The following SUGCT variants were observed in gnomAD, a reference collection of about 807,000 sequenced individuals.
SUGCT encodes succinyl-CoA:glutarate CoA-transferase.
Under a neutral mutation model 55.0 loss-of-function variants are expected in SUGCT, and 41 were observed. The observed-to-expected ratio is 0.74, with a 90% CI of 0.58 to 0.97. The LOEUF (loss-of-function observed/expected upper bound fraction) is 0.97, where lower values mean the gene tolerates loss of function less well. SUGCT is among the 50% of genes least tolerant of loss of function. SUGCT has a pLI of 0.00. For synonymous variants in SUGCT, 187 were observed against 200.4 expected (o/e 0.93, Z 0.56); for missense variants, 568 against 547.8 (o/e 1.04, Z -0.37).
intron 9 of SUGCT, among the ~76,000 whole-genome samples, chr7:40,404,399 T>G (rs567717719): frequency 3.0e-4 from 46 of 152,288 alleles, no homozygotes; most frequent in Non-Finnish European, 6.2e-4. Context: ...TTTGTCTTCC[T>G]TGGTCTGAGG....
At chr7:40,153,324 G>A (rs1054554796) in intron 1 of SUGCT, 3 of 367,266 alleles carry the variant, frequency 8.2e-6, no homozygotes, top group African/African-American at 6.6e-5. Flanking sequence ...GAGTAGGAGA[G>A]AAATACTGCT....
chr7:40,915,316 A>G, the SUGCT span, among the ~76,000 whole-genome samples: 1 of 152,170 alleles, frequency 6.6e-6, no homozygotes, highest in African/African-American at 2.4e-5. Context: ...GCTGGAATCC[A>G]ATTTCAAGGA....
intron 9 of SUGCT, among the ~76,000 whole-genome samples, chr7:40,374,143 G>C (rs1468927206): frequency 6.6e-6 from 1 of 152,074 alleles, no homozygotes; most frequent in Non-Finnish European, 1.5e-5. Flanking sequence ...CAGGAACTTT[G>C]CTGGGCACAT....
chr7:40,895,965 T>C, the SUGCT span, among the ~76,000 whole-genome samples: 28 of 152,344 alleles, frequency 1.8e-4, no homozygotes, highest in East Asian at 4.8e-3. Flanking sequence ...TACTCTTGTC[T>C]CTTGTATTTA....
intron 1 of SUGCT, among the ~76,000 whole-genome samples, chr7:40,154,392 G>C (rs1204486340): frequency 6.6e-6 from 1 of 152,114 alleles, no homozygotes; most frequent in East Asian, 1.9e-4. Context: ...TTTGTGTTTT[G>C]GGCAATTAGT....
At chr7:40,683,571 T>G (rs1272662181) in intron 12 of SUGCT, among the ~76,000 whole-genome samples, 2 of 152,192 alleles carry the variant, frequency 1.3e-5, no homozygotes, top group Non-Finnish European at 1.5e-5. Context: ...TCTTCAGACT[T>G]CTTGGCTGTG....
the SUGCT span, among the ~76,000 whole-genome samples, chr7:40,921,456 T>A: frequency 6.9e-4 from 105 of 152,312 alleles, no homozygotes; most frequent in Middle Eastern, 3.4e-3. Flanking sequence ...CTGGGGGCCA[T>A]GTGCACCTTC....
chr7:40,941,579 G>T, the SUGCT span, among the ~76,000 whole-genome samples: 1 of 152,040 alleles, frequency 6.6e-6, no homozygotes, highest in African/African-American at 2.4e-5. Flanking sequence ...TATATGTTAG[G>T]TCTATTTGTG....
At chr7:40,606,013 C>A (rs563969533) in intron 12 of SUGCT, among the ~76,000 whole-genome samples, 1 of 152,226 alleles carries the variant, frequency 6.6e-6, no homozygotes, top group East Asian at 1.9e-4. Flanking sequence ...TCGGAGAAGG[C>A]AAGTCGTTGA....
intron 12 of SUGCT, among the ~76,000 whole-genome samples, chr7:40,518,266 A>G (rs1009488299): frequency 6.6e-6 from 1 of 152,182 alleles, no homozygotes; most frequent in Admixed American, 6.6e-5. Flanking sequence ...AGTTATTTTG[A>G]CCAGAGCCTG....
chr7:40,700,460 G>A (rs1452716591), intron 12 of SUGCT, among the ~76,000 whole-genome samples: 6 of 152,142 alleles, frequency 3.9e-5, no homozygotes, highest in African/African-American at 1.4e-4. Context: ...ATATACTCTT[G>A]TTTGAGTGAC....
the SUGCT span, among the ~76,000 whole-genome samples, chr7:40,944,160 A>T: frequency 6.6e-6 from 1 of 151,920 alleles, no homozygotes; most frequent in Non-Finnish European, 1.5e-5. Context: ...GTTTGAATTC[A>T]TTGTAGATTC....
intron 13 of SUGCT, among the ~76,000 whole-genome samples, chr7:40,807,816 C>G (rs1256287649): frequency 6.6e-6 from 1 of 152,302 alleles, no homozygotes; most frequent in East Asian, 1.9e-4. Context: ...GGCAAGGAAG[C>G]CAGTCCGATT....
At chr7:40,208,530 A>T (rs546428535) in intron 6 of SUGCT, among the ~76,000 whole-genome samples, 2 of 152,270 alleles carry the variant, frequency 1.3e-5, no homozygotes, top group African/African-American at 4.8e-5. Flanking sequence ...GAATATGTAA[A>T]ATATTCTCTT....
chr7:40,224,856 T>C (rs145808118), intron 6 of SUGCT, among the ~76,000 whole-genome samples: 26 of 152,324 alleles, frequency 1.7e-4, no homozygotes, highest in African/African-American at 5.3e-4. Context: ...CTGCCTTTTG[T>C]GTTGGCCTGA....
intron 12 of SUGCT, among the ~76,000 whole-genome samples, chr7:40,528,992 C>T (rs992740408): frequency 1.3e-5 from 2 of 152,048 alleles, no homozygotes; most frequent in Non-Finnish European, 2.9e-5. Flanking sequence ...AATTAGAACT[C>T]GATATGGGGA....
At chr7:40,254,806 C>CT (rs1036456727) in intron 7 of SUGCT, among the ~76,000 whole-genome samples, 10 of 151,924 alleles carry the variant, frequency 6.6e-5, no homozygotes, top group African/African-American at 2.4e-4. Context: ...TAAAATGTAC[C>CT]TTTTTTTATA....
intron 13 of SUGCT, among the ~76,000 whole-genome samples, chr7:40,834,960 TA>T (rs1477905446): frequency 6.6e-6 from 1 of 152,064 alleles, no homozygotes; most frequent in African/African-American, 2.4e-5. Flanking sequence ...GTGTCCTTTT[TA>T]AATTAAAAAA....
At chr7:40,751,604 G>T (rs568855380) in intron 13 of SUGCT, among the ~76,000 whole-genome samples, 1 of 152,324 alleles carries the variant, frequency 6.6e-6, no homozygotes, top group Non-Finnish European at 1.5e-5. Flanking sequence ...TGGAAGCAGA[G>T]TTAGGCTGAT....
Sources: allele counts gnomAD v4.1 joint callset (sites outside exome capture counted in the v4.1 genomes callset), GRCh38; gene constraint gnomAD v4.1.1; transcripts MANE v1.5; gene names NCBI Gene and HGNC (gene_info 2026-07-23, HGNC 2026-07-21).